GLIPR1L2: variants seen among roughly 807,000 people sequenced by gnomAD.
GLIPR1L2 encodes GLIPR1 like 2.
A neutral mutation model predicts 28.4 loss-of-function variants in GLIPR1L2; 21 were observed. The observed-to-expected ratio is 0.74, with a 90% confidence interval of 0.52 to 1.06. GLIPR1L2 has a LOEUF of 1.06. Ranked by LOEUF, GLIPR1L2 falls within the 50% of genes least tolerant of loss-of-function variation. GLIPR1L2 has a pLI of 0.00. For missense variants in GLIPR1L2, 476 were observed against 416.9 expected, an observed-to-expected ratio of 1.14 and a Z score of -1.23; for synonymous variants, 145 against 139.3, an observed-to-expected ratio of 1.04 and a Z score of -0.29.
At chr12:75,418,851 A>G (rs1012394846) in intron 3 of GLIPR1L2, among the ~76,000 whole-genome samples, 1 of 152,038 alleles carries the variant, frequency 6.6e-6, no homozygotes, top group Non-Finnish European at 1.5e-5. Context: ...TCTTTTATTC[A>G]TGTCCTTTGC....
At position 75,430,585 on chromosome 12, in the gene GLIPR1L2, T is replaced by G. The variant is rs2046081029; in HGVS notation, c.671-130T>G. The G allele has an allele frequency of 3.8e-6, 3 of 784,986 alleles. No homozygotes were observed. In the East Asian group the frequency reaches 8.0e-5, roughly 21 times the overall value. The allele number at this position is 784,986 out of a possible 1,614,324, so 48.6% of individuals were successfully genotyped here. On this transcript the variant is annotated intron_variant, in intron 4 of 5. Coordinates refer to ENST00000550916, the MANE Select transcript of GLIPR1L2 (RefSeq NM_001270396.2). ...ATTGTACTTTAAAATTGGCCACTGG[T>G]TGGAGGGAGGACATCAAAGATAATG...
At chr12:75,416,241 A>G (rs909528566) in intron 3 of GLIPR1L2, among the ~76,000 whole-genome samples, 1 of 152,118 alleles carries the variant, frequency 6.6e-6, no homozygotes, top group African/African-American at 2.4e-5. Context: ...TATGTTTTCT[A>G]TTTGGGTATA....
At chr12:75,413,464 C>G in intron 2 of GLIPR1L2, 134 bp from the exon 3 acceptor site, 3 of 552,580 alleles carry the variant, frequency 5.4e-6, no homozygotes, top group Non-Finnish European at 9.5e-6. Context: ...CTACATGTCT[C>G]TAAATGAAAA....
chr12:75,419,199 G>C (rs990363150), intron 3 of GLIPR1L2, among the ~76,000 whole-genome samples: 1 of 152,036 alleles, frequency 6.6e-6, no homozygotes, highest in Non-Finnish European at 1.5e-5. Flanking sequence ...ACAATAGAAT[G>C]GATAGGGAGA....
At chr12:75,392,520 G>A (rs999285330) in intron 1 of GLIPR1L2, among the ~76,000 whole-genome samples, 2 of 151,908 alleles carry the variant, frequency 1.3e-5, no homozygotes, top group Non-Finnish European at 2.9e-5. Context: ...CTAGCATTTG[G>A]TTCTATCTGC....
chr12:75,410,939 T>C (rs1040015255), intron 2 of GLIPR1L2, among the ~76,000 whole-genome samples: 1 of 151,796 alleles, frequency 6.6e-6, no homozygotes, highest in African/African-American at 2.4e-5. Flanking sequence ...CTAAAAATAA[T>C]GTACACTGGA....
intron 3 of GLIPR1L2, among the ~76,000 whole-genome samples, chr12:75,414,171 T>C (rs1000774927): frequency 3.3e-5 from 5 of 151,970 alleles, no homozygotes; most frequent in Admixed American, 6.6e-5. Context: ...ATCTCAGAGA[T>C]TGAAAAGCAC....
intron 1 of GLIPR1L2, among the ~76,000 whole-genome samples, chr12:75,398,670 G>A (rs889747315): frequency 7.9e-5 from 12 of 152,046 alleles, no homozygotes; most frequent in Non-Finnish European, 1.2e-4. Flanking sequence ...ATAATGGGCT[G>A]TAGTTTTATA....
At chr12:75,410,323 A>G in intron 1 of GLIPR1L2, 111 bp from the exon 2 acceptor site, 1 of 1,009,206 alleles carries the variant, frequency 9.9e-7, no homozygotes, top group Non-Finnish European at 1.4e-6. Flanking sequence ...AAGATGCACA[A>G]GTACAAAGTT....
chr12:75,393,890 C>T (rs577407081), intron 1 of GLIPR1L2, among the ~76,000 whole-genome samples: 1 of 152,098 alleles, frequency 6.6e-6, no homozygotes, highest in South Asian at 2.1e-4. Flanking sequence ...TCTCCACATC[C>T]TTGATAACAC....
At chr12:75,418,099 G>T (rs2045941011) in intron 3 of GLIPR1L2, among the ~76,000 whole-genome samples, 1 of 151,988 alleles carries the variant, frequency 6.6e-6, no homozygotes, top group South Asian at 2.1e-4. Context: ...CAAAGACATT[G>T]CACATTACAT....
chr12:75,400,785 A>C (rs1456769210), intron 1 of GLIPR1L2, among the ~76,000 whole-genome samples: 1 of 152,188 alleles, frequency 6.6e-6, no homozygotes, highest in Non-Finnish European at 1.5e-5. Flanking sequence ...ATGTAACGGC[A>C]ACAATTTAAA....
intron 1 of GLIPR1L2, among the ~76,000 whole-genome samples, chr12:75,406,143 C>T (rs1412686369): frequency 2.7e-5 from 3 of 112,154 alleles, no homozygotes; most frequent in Non-Finnish European, 6.2e-5. Context: ...GAGCTAAGGT[C>T]TTTTTTTAAA....
At chr12:75,415,905 G>A (rs966515743) in intron 3 of GLIPR1L2, among the ~76,000 whole-genome samples, 2 of 152,048 alleles carry the variant, frequency 1.3e-5, no homozygotes, top group Non-Finnish European at 2.9e-5. Flanking sequence ...CCTAGATAAT[G>A]TCAATATTTT....
rs71078727 is a variant in GLIPR1L2, at chr12:75,394,763, C to CAA, written c.234+3433_234+3434dup. ...TTTGAGATGTATTTTTGTATTTCTG[C>CAA]AAAAAAAAAAAAAAAAAAAAACATT... On this transcript the variant is annotated intron_variant, in intron 1 of 5. Coordinates refer to ENST00000550916, the MANE Select transcript of GLIPR1L2 (RefSeq NM_001270396.2). 2.7e-3 allele frequency among the ~76,000 whole-genome samples: 216 copies of CAA among 80,228 alleles called. 3 individuals are homozygous for CAA. Among genetic ancestry groups the CAA allele is most frequent in the African/African-American group, 9.3e-3 (195 of 21,000 alleles). The allele number at this position is 80,228 out of a possible 152,430, so 52.6% of individuals were successfully genotyped here.
intron 2 of GLIPR1L2, among the ~76,000 whole-genome samples, chr12:75,411,939 C>A (rs2045872191): frequency 6.6e-6 from 1 of 151,788 alleles, no homozygotes; most frequent in African/African-American, 2.4e-5. Flanking sequence ...TTTGATTATT[C>A]CCATCTTTTT....
At chr12:75,428,171 T>G (rs1168885537) in intron 4 of GLIPR1L2, among the ~76,000 whole-genome samples, 1 of 152,130 alleles carries the variant, frequency 6.6e-6, no homozygotes, top group African/African-American at 2.4e-5. Context: ...ATGCTGATAG[T>G]GATATGGACA....
Position 75,419,562 on chromosome 12 carries a change from T to C in GLIPR1L2, c.585-3342T>C, listed in dbSNP as rs548545562. Among the ~76,000 whole-genome samples the C allele has an allele frequency of 5.9e-5, 9 of 152,308 alleles. No individual in the cohort carries two copies. The East Asian group carries it at 1.7e-3, about 29-fold the overall frequency. On this transcript the variant is annotated intron_variant, in intron 3 of 5. Transcript: ENST00000550916. The stretch of plus-strand genomic sequence containing the variant: ...AAATGATGTTTCAGGTGCCAAAGTC[T>C]TCAGTGAATAAGGAGGCATGATCTG...
At chr12:75,423,624 G>A (rs1376157408) in intron 4 of GLIPR1L2, 5 of 295,664 alleles carry the variant, frequency 1.7e-5, no homozygotes, top group Non-Finnish European at 2.5e-5. Context: ...GAACGTGCAG[G>A]TTTGTTACAT....
Sources: gnomAD v4.1 joint callset for allele counts (sites outside exome capture counted in the v4.1 genomes callset) on GRCh38, gnomAD v4.1.1 for gene constraint, MANE v1.5 for transcripts, NCBI Gene and HGNC (gene_info 2026-07-23, HGNC 2026-07-21) for gene names.